The following FAT3 variants were observed in gnomAD, a reference collection of about 807,000 sequenced individuals.
FAT3 encodes the protein FAT atypical cadherin 3.
In FAT3, 95 loss-of-function variants were observed where a neutral mutation model predicts 310.2. The ratio of observed to expected loss-of-function variants is 0.31; its 90% CI spans 0.26 to 0.36. The LOEUF (loss-of-function observed/expected upper bound fraction) is 0.36, where lower values mean the gene tolerates loss of function less well. FAT3 is among the 10% of genes least tolerant of loss of function. The pLI, the probability that FAT3 is intolerant of heterozygous loss-of-function variation, is 1.00. For synonymous variants in FAT3, 2,314 were observed against 2,192.9 expected (o/e 1.06, Z -1.54); for missense variants, 5,408 against 5,715.6 (o/e 0.95, Z 1.74).
At chr11:92,683,076 A>AAAAAAAAAAAG (rs1477069748) in intron 3 of FAT3, among the ~76,000 whole-genome samples, 6 of 151,520 alleles carry the variant, frequency 4.0e-5, no homozygotes, top group Admixed American at 6.6e-5. Context: ...AGACTCTAAA[A>AAAAAAAAAAAG]AAAAAAAAAA....
chr11:92,379,336 A>AT (rs1244958132), intron 2 of FAT3, among the ~76,000 whole-genome samples: 1 of 152,170 alleles, frequency 6.6e-6, no homozygotes, highest in Non-Finnish European at 1.5e-5. Context: ...AGTGTCAAAC[A>AT]TTTCTGTATT....
At chr11:92,568,172 T>G (rs1477863001) in intron 3 of FAT3, among the ~76,000 whole-genome samples, 2 of 152,206 alleles carry the variant, frequency 1.3e-5, no homozygotes, top group East Asian at 3.8e-4. Flanking sequence ...TCTGTCATTA[T>G]GCAAATCAAC....
intron 4 of FAT3, among the ~76,000 whole-genome samples, chr11:92,726,040 A>T (rs1944986668): frequency 6.6e-6 from 1 of 152,184 alleles, no homozygotes; most frequent in African/African-American, 2.4e-5. Context: ...GGTGATGGAT[A>T]TCTCAATGAC....
In FAT3 at chr11:92,352,911, C is replaced by T. The variant is rs558379359; in HGVS notation, c.799C>T (p.His267Tyr). 4 of 1,613,820 alleles carry T rather than the reference C, an allele frequency of 2.5e-6. No individual in the cohort carries two copies. Among genetic ancestry groups the T allele is most frequent in the African/African-American group, 2.7e-5 (2 of 74,992 alleles). ...CATAAATGAACATGCCCCAACAATC[C>T]ATGTAGTCACTCATGTTCCTTTCTC... ...ERINEHAPTI[H>Y]VVTHVPFSLE... The change falls in exon 2 of 28, where the codon CAT becomes TAT. Residue 267 changes from histidine (H) to tyrosine (Y), a missense_variant. Around this residue, in one of 5 missense-constraint regions of FAT3, gnomAD observed 4,588 missense variants for 4,809.8 expected, o/e 0.95. Transcript: ENST00000525166.
At position 92,875,463 on chromosome 11, in the gene FAT3, G is replaced by A. The variant is rs117609065; in HGVS notation, c.12128-5268G>A. 2.3e-3 allele frequency among the ~76,000 whole-genome samples: 351 copies of A among 151,020 alleles called. 3 individuals are homozygous for A. The highest frequency in any genetic ancestry group is 3.8e-3 in the Non-Finnish European group (256 of 67,824). On this transcript the variant is annotated intron_variant, in intron 22 of 27. Coordinates refer to ENST00000525166, the MANE Select transcript of FAT3 (RefSeq NM_001367949.2). Reference sequence around the variant, plus strand: ...CCATGACAAAGCAATCAGCTTCTCTGTACCTCAGCTGCCTCTTCTATAGCG... The same window carrying A: ...CCATGACAAAGCAATCAGCTTCTCTATACCTCAGCTGCCTCTTCTATAGCG...
chr11:92,420,474 C>T (rs929235145), intron 2 of FAT3, among the ~76,000 whole-genome samples: 9 of 152,018 alleles, frequency 5.9e-5, no homozygotes, highest in African/African-American at 2.2e-4. Flanking sequence ...TTCTTGTCTC[C>T]CACTCAACTT....
intron 3 of FAT3, among the ~76,000 whole-genome samples, chr11:92,642,542 A>G (rs189882296): frequency 1.4e-4 from 21 of 152,338 alleles, no homozygotes; most frequent in African/African-American, 3.8e-4. Context: ...CACAGACTAT[A>G]TTTAAATCAG....
intron 1 of FAT3, among the ~76,000 whole-genome samples, chr11:92,347,098 G>A (rs565751288): frequency 6.6e-5 from 10 of 152,298 alleles, no homozygotes; most frequent in African/African-American, 2.4e-4. Flanking sequence ...GTGCAGAGAG[G>A]TTCAATAGCT....
chr11:92,306,721 TA>T (rs1240201629), intron 1 of FAT3, among the ~76,000 whole-genome samples: 1 of 120,312 alleles, frequency 8.3e-6, no homozygotes, highest in Non-Finnish European at 1.7e-5. Flanking sequence ...TATATTTATA[TA>T]TTATATATAT....
At chr11:92,300,026 A>T (rs1006941464) in intron 1 of FAT3, among the ~76,000 whole-genome samples, 34 of 152,130 alleles carry the variant, frequency 2.2e-4, no homozygotes, top group Non-Finnish European at 1.5e-5. Flanking sequence ...TGTGCCAGGT[A>T]TTGATGCTAG....
chr11:92,813,529 C>G (rs1055456195), intron 13 of FAT3, among the ~76,000 whole-genome samples: 1 of 152,170 alleles, frequency 6.6e-6, no homozygotes, highest in Non-Finnish European at 1.5e-5. Flanking sequence ...ATACATCACA[C>G]GCCTCCCACT....
intron 2 of FAT3, among the ~76,000 whole-genome samples, chr11:92,467,651 G>A (rs144934455): frequency 6.6e-6 from 1 of 152,142 alleles, no homozygotes; most frequent in Non-Finnish European, 1.5e-5. Context: ...GTCCCTTAAA[G>A]CTGTGCCTGT....
At chr11:92,241,244 T>A (rs1241823933) in intron 1 of FAT3, among the ~76,000 whole-genome samples, 2 of 152,120 alleles carry the variant, frequency 1.3e-5, no homozygotes, top group East Asian at 1.9e-4. Flanking sequence ...GCTTAACAGC[T>A]CCTTCTTGGG....
At chr11:92,824,458 G>A (rs995610598) in intron 13 of FAT3, among the ~76,000 whole-genome samples, 7 of 152,146 alleles carry the variant, frequency 4.6e-5, no homozygotes, top group Admixed American at 1.3e-4. Context: ...TAAAGCCAGT[G>A]TCTTTCTGAA....
At chr11:92,349,776 C>G (rs1169330240) in intron 1 of FAT3, among the ~76,000 whole-genome samples, 3 of 152,172 alleles carry the variant, frequency 2.0e-5, no homozygotes. Context: ...GACGCTTACT[C>G]CCTTTTTCAG....
At chr11:92,514,359 A>C (rs1374529543) in intron 2 of FAT3, among the ~76,000 whole-genome samples, 1 of 152,206 alleles carries the variant, frequency 6.6e-6, no homozygotes. Context: ...CCTCAAAAAC[A>C]AAGAACATAA....
At chr11:92,835,775 C>G (rs1948390631) in intron 15 of FAT3, among the ~76,000 whole-genome samples, 1 of 152,154 alleles carries the variant, frequency 6.6e-6, no homozygotes, top group South Asian at 2.1e-4. Flanking sequence ...CAATTTGGAG[C>G]AAACCTAAGA....
chr11:92,443,592 A>G (rs1444976299), intron 2 of FAT3, among the ~76,000 whole-genome samples: 2 of 152,230 alleles, frequency 1.3e-5, no homozygotes, highest in Non-Finnish European at 2.9e-5. Flanking sequence ...CGCCAAGACT[A>G]GTCTGGCAGA....
intron 2 of FAT3, among the ~76,000 whole-genome samples, chr11:92,370,360 G>A (rs1024591640): frequency 1.3e-5 from 2 of 152,000 alleles, no homozygotes; most frequent in African/African-American, 2.4e-5. Context: ...TTCTTTACTC[G>A]GTCTATCCAA....
Sources: gnomAD v4.1 joint callset for allele counts (sites outside exome capture counted in the v4.1 genomes callset) on GRCh38, gnomAD v4.1.1 for gene constraint, gnomAD v4.1.1 regional missense constraint, MANE v1.5 for transcripts, NCBI Gene and HGNC (gene_info 2026-07-23, HGNC 2026-07-21) for gene names.